Variants in OLA1 observed in about 807,000 individuals in gnomAD.
OLA1 encodes Obg like ATPase 1, also known as obg-like ATPase 1.
A neutral mutation model predicts 48.4 loss-of-function variants in OLA1; 14 were observed. The observed-to-expected ratio is 0.29, with a 90% CI of 0.19 to 0.45. OLA1 has a LOEUF of 0.45. OLA1 is among the 20% of genes least tolerant of loss of function. The pLI is 1.00. For synonymous variants in OLA1, 127 were observed against 150.4 expected (o/e 0.84, Z 1.14); for missense variants, 325 against 467.1 (o/e 0.70, Z 2.80).
Position 174,166,600 on chromosome 2 carries a change from A to C in OLA1, c.374-24600T>G, listed in dbSNP as rs932659192. Reference sequence around the variant, plus strand: ...GATTTCCTAGAAGAAAGTCATTTCTATTACTACTATAGCACGGTGCAATAG... The same window carrying C: ...GATTTCCTAGAAGAAAGTCATTTCTCTTACTACTATAGCACGGTGCAATAG... On this transcript the variant is annotated intron_variant, in intron 4 of 10. Coordinates refer to ENST00000284719, the MANE Select transcript of OLA1 (RefSeq NM_013341.5). Among the ~76,000 whole-genome samples, 21 of 152,196 alleles carry C rather than the reference A, an allele frequency of 1.4e-4. 1 individual carries two copies. Among genetic ancestry groups the C allele is most frequent in the African/African-American group, 5.1e-4 (21 of 41,452 alleles).
intron 4 of OLA1, among the ~76,000 whole-genome samples, chr2:174,179,401 C>A (rs1310969315): frequency 6.6e-6 from 1 of 151,746 alleles, no homozygotes; most frequent in Non-Finnish European, 1.5e-5. Context: ...TGTCCATGTG[C>A]TAGATATTTA....
rs555075435 is a variant in OLA1 at position 174,204,216 on chromosome 2, A to G, written c.373+18817T>C. Reference sequence around the variant, plus strand: ...GGAGATCGAGACCATCCTGGCTAACATGGTGAAACCCCGTCTCCACTAAAA... The same window carrying G: ...GGAGATCGAGACCATCCTGGCTAACGTGGTGAAACCCCGTCTCCACTAAAA... On this transcript the variant is annotated intron_variant, in intron 4 of 10. Transcript: ENST00000284719. Among the ~76,000 whole-genome samples the G allele has an allele frequency of 5.3e-5, 8 of 152,102 alleles. No homozygotes were observed. The East Asian group carries it at 1.2e-3, about 22-fold the overall frequency.
intron 1 of OLA1, 191 bp from the exon 2 acceptor site, chr2:174,247,006 A>T (rs913456630): frequency 7.6e-6 from 3 of 394,652 alleles, no homozygotes; most frequent in Non-Finnish European, 1.4e-5. Context: ...TTCTGTAAAC[A>T]TATCCGTTGT....
At chr2:174,154,135 T>C (rs1270557698) in intron 4 of OLA1, among the ~76,000 whole-genome samples, 1 of 152,184 alleles carries the variant, frequency 6.6e-6, no homozygotes, top group Non-Finnish European at 1.5e-5. Context: ...CTGCCCAAAG[T>C]GCTGGGATTA....
At chr2:174,101,400 A>G (rs1035527391) in intron 7 of OLA1, among the ~76,000 whole-genome samples, 7 of 152,274 alleles carry the variant, frequency 4.6e-5, no homozygotes, top group African/African-American at 1.7e-4. Flanking sequence ...AAAAATATAC[A>G]TTCTGAAAAC....
chr2:174,225,408 G>T (rs1688593527), intron 3 of OLA1, among the ~76,000 whole-genome samples: 1 of 152,130 alleles, frequency 6.6e-6, no homozygotes, highest in Non-Finnish European at 1.5e-5. Flanking sequence ...AAATTAGAAG[G>T]GTGTGGTAGC....
At chr2:174,184,174 C>G (rs1000505939) in intron 4 of OLA1, among the ~76,000 whole-genome samples, 8 of 152,188 alleles carry the variant, frequency 5.3e-5, no homozygotes, top group African/African-American at 1.9e-4. Flanking sequence ...GTTTCCTCCT[C>G]TGCTTTAAGA....
intron 7 of OLA1, among the ~76,000 whole-genome samples, chr2:174,116,190 T>C (rs1363258199): frequency 3.3e-5 from 5 of 152,218 alleles, no homozygotes; most frequent in Admixed American, 2.6e-4. Flanking sequence ...AACAGGAGTA[T>C]ATGCAAAGTT....
intron 4 of OLA1, among the ~76,000 whole-genome samples, chr2:174,208,289 C>T (rs1429217121): frequency 6.6e-6 from 1 of 152,070 alleles, no homozygotes; most frequent in Middle Eastern, 3.2e-3. Context: ...TAGTCCAAAC[C>T]ATTATTATTA....
At position 174,175,720 on chromosome 2, in the gene OLA1, T is replaced by C. The variant is rs115006174; in HGVS notation, c.374-33720A>G. Among the ~76,000 whole-genome samples, 803 of 152,144 alleles carry C rather than the reference T, an allele frequency of 5.3e-3. 4 individuals carry two copies. The highest frequency in any genetic ancestry group is 0.019 in the African/African-American group (780 of 41,552). ...TTCAGCTATCCCATTTCTAGATATT[T>C]ACCCAAAAGAAATAGAAACATATAT... is the stretch of plus-strand genomic sequence containing the variant. On this transcript the variant is annotated intron_variant, in intron 4 of 10. Transcript: ENST00000284719.
At chr2:174,118,092 G>A (rs1685826377) in intron 7 of OLA1, among the ~76,000 whole-genome samples, 1 of 152,150 alleles carries the variant, frequency 6.6e-6, no homozygotes, top group South Asian at 2.1e-4. Context: ...GAGCAAAGGT[G>A]TAGGTGCTAC....
At chr2:174,217,088 G>C (rs1688378830) in intron 4 of OLA1, among the ~76,000 whole-genome samples, 1 of 152,138 alleles carries the variant, frequency 6.6e-6, no homozygotes, top group Non-Finnish European at 1.5e-5. Flanking sequence ...TTGGAATCAA[G>C]TTTAACAAAT....
chr2:174,116,163 A>C (rs1244207971), intron 7 of OLA1, among the ~76,000 whole-genome samples: 1 of 152,254 alleles, frequency 6.6e-6, no homozygotes, highest in Non-Finnish European at 1.5e-5. Flanking sequence ...AGCAATGTGC[A>C]GTCCCAGCCT....
chr2:174,228,480 A>G (rs902458103), intron 3 of OLA1, among the ~76,000 whole-genome samples: 2 of 152,168 alleles, frequency 1.3e-5, no homozygotes, highest in South Asian at 2.1e-4. Flanking sequence ...CTGTTATATC[A>G]AGGTAGAGGA....
At chr2:174,244,344 G>A (rs1689078515) in intron 2 of OLA1, among the ~76,000 whole-genome samples, 1 of 152,136 alleles carries the variant, frequency 6.6e-6, no homozygotes, top group Admixed American at 6.6e-5. Flanking sequence ...GACACTGGGA[G>A]GGGAAAGCAT....
intron 4 of OLA1, among the ~76,000 whole-genome samples, chr2:174,145,535 A>G (rs2105383927): frequency 6.6e-6 from 1 of 152,278 alleles, no homozygotes; most frequent in South Asian, 2.1e-4. Flanking sequence ...CAATTTGTCT[A>G]TGTCAAGAAG....
intron 3 of OLA1, among the ~76,000 whole-genome samples, chr2:174,227,574 T>C (rs905435062): frequency 6.6e-6 from 1 of 152,324 alleles, no homozygotes; most frequent in Admixed American, 6.5e-5. Flanking sequence ...CTTTTGCAGC[T>C]TTTATATAAA....
chr2:174,237,182 GCTT>G (rs1415109036), intron 2 of OLA1, among the ~76,000 whole-genome samples: 1 of 145,794 alleles, frequency 6.9e-6, no homozygotes, highest in African/African-American at 2.5e-5. Context: ...TAAAATGTGT[GCTT>G]TTTTTAAAAA....
intron 4 of OLA1, among the ~76,000 whole-genome samples, chr2:174,156,677 C>A (rs1393955665): frequency 6.7e-6 from 1 of 150,186 alleles, no homozygotes; most frequent in Non-Finnish European, 1.5e-5. Flanking sequence ...CCCCACCTAC[C>A]GTGTTCAAGC....
Sources: gnomAD v4.1 joint callset for allele counts (sites outside exome capture counted in the v4.1 genomes callset) on GRCh38, gnomAD v4.1.1 for gene constraint, MANE v1.5 for transcripts, NCBI Gene and HGNC (gene_info 2026-07-23, HGNC 2026-07-21) for gene names.